The following CCDC60 variants were observed in gnomAD, a reference collection of about 807,000 sequenced individuals.
CCDC60 encodes coiled-coil domain containing 60.
In CCDC60, 54 loss-of-function variants were observed where a neutral mutation model predicts 63.5. The ratio of observed to expected loss-of-function variants is 0.85; its 90% confidence interval spans 0.68 to 1.07. CCDC60 has a LOEUF of 1.07. Among genes scored for constraint, CCDC60 ranks in the 50% least tolerant of loss-of-function variants. The probability of loss-of-function intolerance (pLI) is 0.00; values close to 1 mark genes in which losing one functional copy is unlikely to be tolerated. For synonymous variants in CCDC60, 206 were observed against 238.8 expected (o/e 0.86, Z 1.27); for missense variants, 651 against 684.3 (o/e 0.95, Z 0.54).
chr12:119,518,469 T>G (rs1263050706), intron 8 of CCDC60, among the ~76,000 whole-genome samples: 2 of 152,160 alleles, frequency 1.3e-5, no homozygotes, highest in Admixed American at 6.5e-5. Context: ...CCGGGTTATG[T>G]TGGGCAAGTT....
chr12:119,356,397 A>G (rs947387142), intron 1 of CCDC60, among the ~76,000 whole-genome samples: 6 of 152,124 alleles, frequency 3.9e-5, no homozygotes, highest in African/African-American at 1.4e-4. Flanking sequence ...ATTCATATTC[A>G]TTCATTCACT....
At chr12:119,482,177 C>CACATAT (rs1016167575) in intron 4 of CCDC60, among the ~76,000 whole-genome samples, 1 of 149,538 alleles carries the variant, frequency 6.7e-6, no homozygotes, top group Non-Finnish European at 1.5e-5. Context: ...CACACACACA[C>CACATAT]ATATATATAT....
In CCDC60 at chr12:119,410,747, T is replaced by C. The variant is rs865974826; in HGVS notation, c.91-17936T>C. 6.6e-6 allele frequency among the ~76,000 whole-genome samples: 1 copy of C among 152,124 alleles called. No individual in the cohort carries two copies. The highest frequency in any genetic ancestry group is 3.4e-3 in the Middle Eastern group (1 of 294). ...AAGACGTATTAATGAAAGAAAAGCATAACAATTTTTTTTGAGACAGAGTCT... is the reference window on the plus strand; with the variant it reads ...AAGACGTATTAATGAAAGAAAAGCACAACAATTTTTTTTGAGACAGAGTCT... On this transcript the variant is annotated intron_variant, in intron 1 of 13. Transcript: ENST00000327554. The surrounding 1 kb of genome is among the most constrained non-coding windows in gnomAD (Gnocchi z 4.0).
intron 7 of CCDC60, among the ~76,000 whole-genome samples, chr12:119,513,243 C>T (rs2136461690): frequency 6.6e-6 from 1 of 152,312 alleles, no homozygotes; most frequent in East Asian, 1.9e-4. Context: ...TTTCTTGAGG[C>T]ACGTAACTTA....
At chr12:119,472,218 G>C in intron 3 of CCDC60, 54 bp downstream of exon 3, 1 of 1,549,500 alleles carries the variant, frequency 6.5e-7, no homozygotes, top group Admixed American at 1.7e-5. Context: ...ACCATTGAGA[G>C]TGAACCCTGC....
chr12:119,371,900 ACT>A (rs1377905351), intron 1 of CCDC60, among the ~76,000 whole-genome samples: 1 of 151,950 alleles, frequency 6.6e-6, no homozygotes, highest in Non-Finnish European at 1.5e-5. Flanking sequence ...CCACCTAAGG[ACT>A]CTCTCAATCT....
Position 119,480,755 on chromosome 12 carries a change from CCAT to C in CCDC60, c.449+1566_449+1568del, listed in dbSNP as rs567293137. Reference sequence around the variant, plus strand: ...ACCATCATCATCACCATCATCCTCACCATCATCATCATCACCATCATCATCACC... The same window carrying C: ...ACCATCATCATCACCATCATCCTCACCATCATCATCACCATCATCATCACC... On this transcript the variant is annotated intron_variant, in intron 4 of 13. Coordinates refer to ENST00000327554, the MANE Select transcript of CCDC60 (RefSeq NM_178499.5). 1.2e-3 allele frequency among the ~76,000 whole-genome samples: 178 copies of C among 145,188 alleles called. 1 individual carries two copies. The highest frequency in any genetic ancestry group is 3.2e-3 in the Admixed American group (47 of 14,524).
In CCDC60 at chr12:119,410,252, G is replaced by T. The variant is rs983753498; in HGVS notation, c.91-18431G>T. Among the ~76,000 whole-genome samples the T allele has an allele frequency of 6.6e-5, 10 of 151,638 alleles. No individual in the cohort carries two copies. The highest frequency in any genetic ancestry group is 2.4e-4 in the African/African-American group (10 of 41,238). On this transcript the variant is annotated intron_variant, in intron 1 of 13. Coordinates refer to ENST00000327554, the MANE Select transcript of CCDC60 (RefSeq NM_178499.5). This position sits in a 1 kb window ranked among gnomAD's most constrained non-coding sequence, Gnocchi z 4.0. ...CAAATCTCTCTGGAAGGATACACAA[G>T]AACTTGATAACACTATTCATTTCCA...
At chr12:119,430,667 CA>C (rs57881806) in intron 2 of CCDC60, among the ~76,000 whole-genome samples, 105 of 105,974 alleles carry the variant, frequency 9.9e-4, no homozygotes, top group Admixed American at 1.1e-3. Flanking sequence ...ACTCTGTCTC[CA>C]AAAAAAAAAA....
intron 1 of CCDC60, among the ~76,000 whole-genome samples, chr12:119,351,457 C>T (rs1202419537): frequency 6.6e-6 from 1 of 152,112 alleles, no homozygotes; most frequent in Non-Finnish European, 1.5e-5. Flanking sequence ...CTGCAGGCTG[C>T]ACAGGAAACA....
In CCDC60 at chr12:119,470,253, A is replaced by G. The variant is rs148290924; in HGVS notation, c.171-1741A>G. 1.4e-3 allele frequency among the ~76,000 whole-genome samples: 209 copies of G among 152,300 alleles called. 2 individuals are homozygous for G. In the South Asian group the frequency reaches 0.016, roughly 12 times the overall value. ...CCTTCCAAGATTTCTCTAGGTTCCT[A>G]TAGCCCTTTGGTACATTAGGTTGAG... On this transcript the variant is annotated intron_variant, in intron 2 of 13. Coordinates refer to ENST00000327554, the MANE Select transcript of CCDC60 (RefSeq NM_178499.5).
chr12:119,412,555 G>T (rs1444534749), intron 1 of CCDC60, among the ~76,000 whole-genome samples: 1 of 152,120 alleles, frequency 6.6e-6, no homozygotes, highest in African/African-American at 2.4e-5. Flanking sequence ...GTAAACTGTG[G>T]TGTAATATGC....
chr12:119,477,734 A>G (rs1034926367), intron 3 of CCDC60, among the ~76,000 whole-genome samples: 1 of 152,206 alleles, frequency 6.6e-6, no homozygotes. Context: ...GTTTGGGGTA[A>G]CTGAAGAAGC....
intron 2 of CCDC60, among the ~76,000 whole-genome samples, chr12:119,435,845 T>G (rs1015938802): frequency 6.6e-6 from 1 of 152,226 alleles, no homozygotes; most frequent in African/African-American, 2.4e-5. Context: ...GGCTCCCTTG[T>G]GCACCTGTAA....
rs966539492 is a variant in CCDC60 at position 119,530,928 on chromosome 12, C to T, written c.1416C>T (p.Ala472=). The change falls in exon 13 of 14, where the codon GCC becomes GCT. Residue 472 remains alanine, a synonymous_variant. Transcript: ENST00000327554. ...AGGATCTAAAGAACTTCCGCCCCGC[C>T]AAAAAGATCCTGGTGAAACTGCAGA... is the stretch of plus-strand genomic sequence containing the variant. ...LPEDLKNFRP[A]KKILVKLQKF... 1.2e-6 allele frequency: 2 copies of T among 1,614,102 alleles called. No individual in the cohort carries two copies. Among genetic ancestry groups the T allele is most frequent in the Non-Finnish European group, 1.7e-6 (2 of 1,179,998 alleles).
Position 119,479,134 on chromosome 12 carries a change from G to T in CCDC60, c.382G>T (p.Val128Phe). 1 of 1,614,074 alleles carries T rather than the reference G, an allele frequency of 6.2e-7. No individual in the cohort carries two copies. The highest frequency in any genetic ancestry group is 8.5e-7 in the Non-Finnish European group (1 of 1,179,994). The change falls in exon 4 of 14, where the codon GTC becomes TTC. Residue 128 changes from valine to phenylalanine, a missense_variant. By Grantham distance (50) the Val-to-Phe change is conservative. Coordinates refer to ENST00000327554, the MANE Select transcript of CCDC60 (RefSeq NM_178499.5). ...GAAGTTGAAGACACTGGGAGCTAGA[G>T]TCACACGTCGCCCATTCACTCCCAT... ...DEKLKTLGAR[V>F]TRRPFTPIHS...
chr12:119,390,410 T>C (rs1344450864), intron 1 of CCDC60, among the ~76,000 whole-genome samples: 1 of 152,200 alleles, frequency 6.6e-6, no homozygotes, highest in Non-Finnish European at 1.5e-5. Flanking sequence ...AATGTCTTTC[T>C]CTCCCACCAT....
intron 7 of CCDC60, among the ~76,000 whole-genome samples, chr12:119,514,019 T>A (rs541874622): frequency 2.0e-5 from 3 of 152,294 alleles, no homozygotes; most frequent in African/African-American, 7.2e-5. Flanking sequence ...GGCATTGTTA[T>A]CATGGGAGAT....
At chr12:119,486,968 G>T (rs1449730630) in intron 4 of CCDC60, among the ~76,000 whole-genome samples, 1 of 152,108 alleles carries the variant, frequency 6.6e-6, no homozygotes, top group African/African-American at 2.4e-5. Flanking sequence ...CTTAATGGAG[G>T]CATCTGGCCC....
Sources: allele counts gnomAD v4.1 joint callset (sites outside exome capture counted in the v4.1 genomes callset), GRCh38; gene constraint gnomAD v4.1.1; non-coding constraint Gnocchi (gnomAD v3.1); transcripts MANE v1.5; gene names NCBI Gene and HGNC (gene_info 2026-07-23, HGNC 2026-07-21).